Variants in TSNARE1 observed in about 807,000 individuals in gnomAD.
TSNARE1 encodes the protein t-SNARE domain containing 1.
TSNARE1 carries 49 observed loss-of-function variants against 62.0 expected under a neutral mutation model. That is an observed-to-expected ratio of 0.79 (90% CI 0.63 to 1.00). The LOEUF is 1.00. Among genes scored for constraint, TSNARE1 ranks in the 50% least tolerant of loss-of-function variants. The pLI, the probability that TSNARE1 is intolerant of heterozygous loss-of-function variation, is 0.00. For synonymous variants in TSNARE1, 328 were observed against 294.4 expected (o/e 1.11, Z -1.17); for missense variants, 755 against 700.1 (o/e 1.08, Z -0.88).
At chr8:142,393,248 G>A (rs1192768279) in intron 1 of TSNARE1, among the ~76,000 whole-genome samples, 2 of 152,212 alleles carry the variant, frequency 1.3e-5, no homozygotes, top group Non-Finnish European at 2.9e-5. Flanking sequence ...GCCACACACT[G>A]CAAGATTCCA....
rs747141725 is a variant in TSNARE1, at chr8:142,345,729, T to C, written c.238+14A>G. The C allele has an allele frequency of 6.3e-7, 1 of 1,577,860 alleles. No homozygotes were observed. The highest frequency in any genetic ancestry group is 8.6e-7 in the Non-Finnish European group (1 of 1,160,178). On this transcript the variant is annotated intron_variant, in intron 3 of 13. Transcript: ENST00000524325. ...TTCCCAGGACCCCTGAGACCCAGCG[T>C]CTGAGTGAAGTACCTCGCTTCCTGG...
At chr8:142,339,267 G>A (rs1832195856) in intron 4 of TSNARE1, among the ~76,000 whole-genome samples, 1 of 152,210 alleles carries the variant, frequency 6.6e-6, no homozygotes, top group South Asian at 2.1e-4. Flanking sequence ...TGCCGAAGGA[G>A]CGAAGAATCG....
intron 1 of TSNARE1, among the ~76,000 whole-genome samples, chr8:142,367,485 T>C (rs1222029733): frequency 8.6e-6 from 1 of 116,652 alleles, no homozygotes; most frequent in Non-Finnish European, 1.6e-5. Context: ...GACGCAAATC[T>C]ACAGAAACAG....
chr8:142,235,937 G>T (rs1473958053), intron 12 of TSNARE1, among the ~76,000 whole-genome samples: 1 of 152,150 alleles, frequency 6.6e-6, no homozygotes, highest in Non-Finnish European at 1.5e-5. Context: ...CGCAGGAGGG[G>T]CTTCACCTGG....
At chr8:142,276,734 T>C (rs1370633173) in intron 11 of TSNARE1, 2 of 985,222 alleles carry the variant, frequency 2.0e-6, no homozygotes, top group Non-Finnish European at 1.2e-6. Flanking sequence ...CTGATCGTAG[T>C]GTGTGACCTG....
chr8:142,314,982 C>T (rs1554653001), intron 8 of TSNARE1, 21 bp downstream of exon 8: 3 of 1,613,502 alleles, frequency 1.9e-6, no homozygotes, highest in East Asian at 2.2e-5. Flanking sequence ...CAGACCCCCA[C>T]TGCCCCCACC....
intron 1 of TSNARE1, among the ~76,000 whole-genome samples, chr8:142,360,227 G>A (rs1023429617): frequency 7.9e-5 from 12 of 152,210 alleles, no homozygotes; most frequent in Non-Finnish European, 1.8e-4. Flanking sequence ...TCAGAGGAGG[G>A]AGGGCTGGGC....
intron 7 of TSNARE1, among the ~76,000 whole-genome samples, chr8:142,318,334 C>T (rs1402776032): frequency 5.9e-5 from 9 of 152,300 alleles, no homozygotes; most frequent in Admixed American, 3.9e-4. Context: ...CACCAGCTCC[C>T]GGCACGTGGT....
chr8:142,282,773 T>C (rs376837315), intron 11 of TSNARE1, among the ~76,000 whole-genome samples: 5,285 of 98,438 alleles, frequency 0.054, no homozygotes, highest in African/African-American at 0.12. Flanking sequence ...TGTCTGCCAA[T>C]GAGCAGAGGC....
chr8:142,222,752 CCACTCACTCACTCATTCACTCATCCACT>C (rs1816440447), intron 13 of TSNARE1, among the ~76,000 whole-genome samples: 3 of 18,410 alleles, frequency 1.6e-4, no homozygotes, highest in East Asian at 1.7e-3. Context: ...ACTCACTCAT[CCACTCACTCACTCATTCACTCATCCACT>C]CACTCACTCA....
At chr8:142,329,420 CAT>C (rs1392165547) in intron 6 of TSNARE1, among the ~76,000 whole-genome samples, 1 of 152,234 alleles carries the variant, frequency 6.6e-6, no homozygotes, top group Non-Finnish European at 1.5e-5. Flanking sequence ...AGGATGCGCA[CAT>C]GAGGGCCAGG....
intron 9 of TSNARE1, among the ~76,000 whole-genome samples, chr8:142,305,138 G>A (rs1272646676): frequency 2.0e-5 from 3 of 152,212 alleles, no homozygotes; most frequent in Non-Finnish European, 4.4e-5. Flanking sequence ...CAGCTAATGC[G>A]GGCGAGTGAG....
chr8:142,395,630 T>C (rs938024142), intron 1 of TSNARE1, among the ~76,000 whole-genome samples: 2 of 152,226 alleles, frequency 1.3e-5, no homozygotes, highest in African/African-American at 2.4e-5. Flanking sequence ...GGGCCCAGGC[T>C]GGAGGCTGTG....
chr8:142,320,891 A>G (rs1471640060), intron 6 of TSNARE1, among the ~76,000 whole-genome samples: 1 of 152,168 alleles, frequency 6.6e-6, no homozygotes, highest in Non-Finnish European at 1.5e-5. Flanking sequence ...AAACATCCTC[A>G]TGGAGCCATT....
intron 12 of TSNARE1, chr8:142,271,841 A>T (rs936005922): frequency 4.3e-5 from 21 of 492,576 alleles, no homozygotes; most frequent in Non-Finnish European, 6.8e-5. Context: ...TGGGAGTTGC[A>T]CCCGTTTGAG....
intron 10 of TSNARE1, among the ~76,000 whole-genome samples, chr8:142,293,639 C>T (rs9644552): frequency 0.24 from 36,090 of 152,124 alleles, 4,804 homozygotes; most frequent in African/African-American, 0.35. Flanking sequence ...GGCTTCCCTC[C>T]GCAGGGGACA....
rs1331199296 is a variant in TSNARE1 at position 142,346,024 on chromosome 8, C to T, written c.89-132G>A. ...CTCAGGGCTCCTCCTCCAGGAAGCC[C>T]TCCCTGCCTGCTATATCCTCTGGAT... On this transcript the variant is annotated intron_variant, in intron 2 of 13. Coordinates refer to ENST00000524325, the MANE Select transcript of TSNARE1 (RefSeq NM_145003.5). The T allele has an allele frequency of 3.8e-6, 4 of 1,045,526 alleles. No individual in the cohort carries two copies. The Admixed American group carries it at 1.0e-4, about 26-fold the overall frequency. 64.8% of individuals were successfully genotyped at this position (1,045,526 alleles called of 1,614,324 possible). A position where few individuals can be genotyped will look rare whatever the true frequency, so the allele number is the denominator to read the frequency against.
intron 10 of TSNARE1, among the ~76,000 whole-genome samples, chr8:142,288,934 C>T (rs1414470696): frequency 1.3e-5 from 2 of 152,368 alleles, no homozygotes; most frequent in Non-Finnish European, 2.9e-5. Context: ...TCAAGAGGCT[C>T]GGCCAGCAGG....
chr8:142,229,122 A>ATGTATGGTGGG (rs1816972089), intron 13 of TSNARE1, among the ~76,000 whole-genome samples: 1 of 149,006 alleles, frequency 6.7e-6, no homozygotes, highest in African/African-American at 2.5e-5. Flanking sequence ...GGATGGATAA[A>ATGTATGGTGGG]TGGATGGTGG....
Sources: gnomAD v4.1 joint callset for allele counts (sites outside exome capture counted in the v4.1 genomes callset) on GRCh38, gnomAD v4.1.1 for gene constraint, MANE v1.5 for transcripts, NCBI Gene and HGNC (gene_info 2026-07-23, HGNC 2026-07-21) for gene names.